Variants in NCOA1 observed in about 807,000 individuals in gnomAD.
The protein encoded by NCOA1 is nuclear receptor coactivator 1, also known as Hin-2 protein.
Under a neutral mutation model 150.9 loss-of-function variants are expected in NCOA1, and 35 were observed. That is an observed-to-expected ratio of 0.23 (90% confidence interval 0.18 to 0.31). The LOEUF (loss-of-function observed/expected upper bound fraction) is 0.31, where lower values mean the gene tolerates loss of function less well. NCOA1 is among the 10% of genes least tolerant of loss of function. The pLI is 1.00. For synonymous variants in NCOA1, 590 were observed against 630.0 expected, an observed-to-expected ratio of 0.94 and a Z score of 0.95; for missense variants, 1,491 against 1,749.3, an observed-to-expected ratio of 0.85 and a Z score of 2.63.
intron 22 of NCOA1, among the ~76,000 whole-genome samples, chr2:24,764,139 T>C (rs1056738462): frequency 6.6e-6 from 1 of 152,154 alleles, no homozygotes; most frequent in Admixed American, 6.5e-5. Context: ...ATGAACGAGG[T>C]AGTATTCCTT....
intron 17 of NCOA1, among the ~76,000 whole-genome samples, chr2:24,735,512 A>C (rs1333658943): frequency 6.6e-6 from 1 of 152,100 alleles, no homozygotes; most frequent in Non-Finnish European, 1.5e-5. Flanking sequence ...TCAGTTTAAA[A>C]ACAGATGTTG....
chr2:24,629,948 A>G (rs1040691280), intron 3 of NCOA1, among the ~76,000 whole-genome samples: 5 of 149,914 alleles, frequency 3.3e-5, no homozygotes, highest in Non-Finnish European at 7.4e-5. Flanking sequence ...GGTTCACACC[A>G]TTCTCCTGCC....
Position 24,729,638 on chromosome 2 carries a change from C to G in NCOA1, c.3024C>G (p.Phe1008Leu), listed in dbSNP as rs1662887258. 6.2e-7 allele frequency: 1 copy of G among 1,614,066 alleles called. No individual in the cohort carries two copies. The highest frequency in any genetic ancestry group is 8.5e-7 in the Non-Finnish European group (1 of 1,180,036). ...PSPTANLPSP[F>L]QGMVRQKPSL... ...CTACTGCCAATCTCCCTAGCCCTTT[C>G]CAAGGCATGGTCAGGCAAAAACCTT... Residue 1008 changes from phenylalanine to leucine, a missense_variant, in exon 17 of 23, where the codon TTC (phenylalanine) becomes TTG (leucine). Transcript: ENST00000348332.
chr2:24,522,068 A>T (rs1242135191), intron 1 of NCOA1, among the ~76,000 whole-genome samples: 4 of 152,162 alleles, frequency 2.6e-5, no homozygotes, highest in Non-Finnish European at 5.9e-5. Flanking sequence ...CCCCAATGGA[A>T]TGTAAGTTCT....
chr2:24,723,455 T>C (rs577562533), intron 14 of NCOA1, among the ~76,000 whole-genome samples: 1 of 152,354 alleles, frequency 6.6e-6, no homozygotes, highest in African/African-American at 2.4e-5. Context: ...AAGTTCTGAA[T>C]AGAATTGCTG....
rs747279866 is a variant in NCOA1 at position 24,553,469 on chromosome 2, C to T, written c.-395-10826C>T. Among the ~76,000 whole-genome samples the T allele has an allele frequency of 7.9e-5, 12 of 152,090 alleles. No individual in the cohort carries two copies. In the South Asian group the frequency reaches 1.0e-3, roughly 13 times the overall value. On this transcript the variant is annotated intron_variant, in intron 1 of 22. Coordinates refer to ENST00000348332, the MANE Select transcript of NCOA1 (RefSeq NM_003743.5). ...GCTGACCTCAAGTGATCTGCCCACT[C>T]GGCCTCCCAAAGTGCAGGGATTACA...
At chr2:24,507,044 T>C (rs1008384200) in intron 1 of NCOA1, among the ~76,000 whole-genome samples, 1 of 152,252 alleles carries the variant, frequency 6.6e-6, no homozygotes, top group African/African-American at 2.4e-5. Context: ...CTTGTTGATG[T>C]TGTTACTACT....
At chr2:24,540,964 A>T (rs953941500) in intron 1 of NCOA1, among the ~76,000 whole-genome samples, 1 of 152,216 alleles carries the variant, frequency 6.6e-6, no homozygotes, top group Non-Finnish European at 1.5e-5. Flanking sequence ...CATGGTAGCA[A>T]ATGCAACAGT....
intron 3 of NCOA1, among the ~76,000 whole-genome samples, chr2:24,608,555 C>T (rs1283455669): frequency 6.6e-6 from 1 of 151,788 alleles, no homozygotes; most frequent in Non-Finnish European, 1.5e-5. Context: ...GCATGAGCCA[C>T]CATGCCTGGC....
chr2:24,752,608 A>G lies in NCOA1; in HGVS notation c.3881+452A>G, dbSNP rs538072875. ...AATATGATGAGCTCACATCAGTAAC[A>G]GAGCTTCCCTGGGACAGACATAGAA... On this transcript the variant is annotated intron_variant, in intron 20 of 22. Coordinates refer to ENST00000348332, the MANE Select transcript of NCOA1 (RefSeq NM_003743.5). Among the ~76,000 whole-genome samples the G allele has an allele frequency of 4.6e-5, 7 of 152,322 alleles. No homozygotes were observed. In the South Asian group the frequency reaches 1.0e-3, roughly 23 times the overall value.
chr2:24,632,335 TAAG>T (rs1669744176), intron 3 of NCOA1, among the ~76,000 whole-genome samples: 1 of 152,182 alleles, frequency 6.6e-6, no homozygotes, highest in Non-Finnish European at 1.5e-5. Flanking sequence ...CTCTGGAAGT[TAAG>T]AAGGGAAGTG....
intron 2 of NCOA1, among the ~76,000 whole-genome samples, chr2:24,582,643 G>A (rs987889914): frequency 6.6e-6 from 1 of 152,056 alleles, no homozygotes; most frequent in Non-Finnish European, 1.5e-5. Context: ...ACCCCAAATA[G>A]GCAAAGAATT....
intron 14 of NCOA1, among the ~76,000 whole-genome samples, chr2:24,718,270 A>G (rs1674160958): frequency 6.6e-6 from 1 of 152,208 alleles, no homozygotes; most frequent in Admixed American, 6.5e-5. Context: ...CTGCATACCC[A>G]TTAGAATGCC....
At chr2:24,595,079 G>T (rs1667833501) in intron 3 of NCOA1, among the ~76,000 whole-genome samples, 1 of 151,972 alleles carries the variant, frequency 6.6e-6, no homozygotes, top group Non-Finnish European at 1.5e-5. Flanking sequence ...ATAATGGTTT[G>T]ATTGTCACTT....
chr2:24,599,960 A>C (rs1031005680), intron 3 of NCOA1, among the ~76,000 whole-genome samples: 3 of 151,896 alleles, frequency 2.0e-5, no homozygotes, highest in Non-Finnish European at 4.4e-5. Flanking sequence ...CGAACTCCTG[A>C]CCTCAGGTGA....
At chr2:24,518,171 G>A (rs926293920) in intron 1 of NCOA1, among the ~76,000 whole-genome samples, 20 of 151,946 alleles carry the variant, frequency 1.3e-4, no homozygotes, top group African/African-American at 4.1e-4. Context: ...ATGCAAGATT[G>A]GTTTAACGTT....
At chr2:24,730,252 G>A (rs1446411206) in intron 17 of NCOA1, among the ~76,000 whole-genome samples, 2 of 152,170 alleles carry the variant, frequency 1.3e-5, no homozygotes, top group African/African-American at 2.4e-5. Flanking sequence ...AAGACTTGAA[G>A]AGCCATCCTT....
intron 22 of NCOA1, among the ~76,000 whole-genome samples, chr2:24,763,472 G>A (rs1389207733): frequency 8.0e-5 from 12 of 149,166 alleles, no homozygotes; most frequent in Admixed American, 2.0e-4. Flanking sequence ...CCCGGGGGGC[G>A]GAGCCTGCAG....
chr2:24,732,392 T>G (rs1372117321), intron 17 of NCOA1, among the ~76,000 whole-genome samples: 1 of 152,196 alleles, frequency 6.6e-6, no homozygotes, highest in African/African-American at 2.4e-5. Flanking sequence ...CAACTTCTAC[T>G]GCAAACTAAG....
Sources: allele counts gnomAD v4.1 joint callset (sites outside exome capture counted in the v4.1 genomes callset), GRCh38; gene constraint gnomAD v4.1.1; transcripts MANE v1.5; gene names NCBI Gene and HGNC (gene_info 2026-07-23, HGNC 2026-07-21).